PALM2AKAP2: variants seen among roughly 807,000 people sequenced by gnomAD.
The protein encoded by PALM2AKAP2 is PALM2 and AKAP2 fusion.
PALM2AKAP2 carries 37 observed loss-of-function variants against 71.5 expected under a neutral mutation model. The observed-to-expected ratio is 0.52, with a 90% CI of 0.40 to 0.68. PALM2AKAP2 has a LOEUF of 0.68. Ranked by LOEUF, PALM2AKAP2 falls within the 30% of genes least tolerant of loss-of-function variation. The probability of loss-of-function intolerance (pLI) is 0.00; values close to 1 mark genes in which losing one functional copy is unlikely to be tolerated. For synonymous variants in PALM2AKAP2, 468 were observed against 478.8 expected, an observed-to-expected ratio of 0.98 and a Z score of 0.29; for missense variants, 1,224 against 1,191.8, an observed-to-expected ratio of 1.03 and a Z score of -0.40.
chr9:109,909,063 C>T (rs962565770), intron 3 of PALM2AKAP2, among the ~76,000 whole-genome samples: 1 of 152,004 alleles, frequency 6.6e-6, no homozygotes, highest in Non-Finnish European at 1.5e-5. Flanking sequence ...GGCCCAATTC[C>T]TACATATCTG....
intron 1 of PALM2AKAP2, among the ~76,000 whole-genome samples, chr9:109,830,684 TG>T (rs1250569863): frequency 6.6e-6 from 1 of 152,180 alleles, no homozygotes; most frequent in Non-Finnish European, 1.5e-5. Flanking sequence ...TGAATGGCCT[TG>T]GGGGAGAGGG....
At chr9:110,032,498 C>T (rs533069323) in intron 7 of PALM2AKAP2, among the ~76,000 whole-genome samples, 2 of 152,028 alleles carry the variant, frequency 1.3e-5, no homozygotes, top group African/African-American at 4.8e-5. Context: ...TGAGACTATC[C>T]TGGCCAATAT....
At chr9:109,904,189 T>C (rs1337781578) in intron 3 of PALM2AKAP2, among the ~76,000 whole-genome samples, 1 of 152,246 alleles carries the variant, frequency 6.6e-6, no homozygotes, top group African/African-American at 2.4e-5. Context: ...TTAAGCTTCA[T>C]AACTTTGATG....
chr9:109,899,555 C>T (rs1392114898), intron 3 of PALM2AKAP2, among the ~76,000 whole-genome samples: 1 of 147,386 alleles, frequency 6.8e-6, no homozygotes, highest in Non-Finnish European at 1.5e-5. Context: ...AGCTTCAAAC[C>T]CTTTACCTGT....
At chr9:110,001,494 C>A (rs956297774) in intron 6 of PALM2AKAP2, among the ~76,000 whole-genome samples, 3 of 152,200 alleles carry the variant, frequency 2.0e-5, no homozygotes, top group Non-Finnish European at 4.4e-5. Flanking sequence ...CTTGGCAATG[C>A]AGGCTCTTTT....
upstream of PALM2AKAP2, among the ~76,000 whole-genome samples, chr9:109,779,595 T>C (rs1420119773): frequency 6.6e-6 from 1 of 152,174 alleles, no homozygotes; most frequent in Non-Finnish European, 1.5e-5. Flanking sequence ...AGCTAACACA[T>C]TGTGAAATCT....
chr9:109,944,978 T>G (rs1289302479), intron 6 of PALM2AKAP2: 4 of 152,200 alleles, frequency 2.6e-5, no homozygotes, highest in Non-Finnish European at 5.9e-5. Context: ...TGAAAAAACA[T>G]ATGATATACT....
chr9:110,024,561 A>T (rs1345628084), intron 7 of PALM2AKAP2, among the ~76,000 whole-genome samples: 1 of 152,162 alleles, frequency 6.6e-6, no homozygotes, highest in Non-Finnish European at 1.5e-5. Context: ...AAGTGGGTAG[A>T]TCACTAGAGC....
chr9:110,063,291 A>G (rs1450310145), intron 1 of PALM2AKAP2, among the ~76,000 whole-genome samples: 1 of 152,178 alleles, frequency 6.6e-6, no homozygotes, highest in African/African-American at 2.4e-5. Flanking sequence ...AGAGGCTAGA[A>G]GACCAAGATC....
chr9:109,981,598 A>G (rs1246292126), intron 6 of PALM2AKAP2, among the ~76,000 whole-genome samples: 2 of 152,234 alleles, frequency 1.3e-5, no homozygotes, highest in African/African-American at 4.8e-5. Context: ...TCTCCCTAGC[A>G]TGGAACTGAA....
intron 1 of PALM2AKAP2, among the ~76,000 whole-genome samples, chr9:109,699,867 C>T (rs1430499970): frequency 6.6e-6 from 1 of 152,026 alleles, no homozygotes; most frequent in Non-Finnish European, 1.5e-5. Flanking sequence ...CCTCCGCCTC[C>T]CGGGTTCAAG....
At chr9:110,135,172 A>ATATATATATATATATATATATAT (rs58573716) in intron 1 of PALM2AKAP2, among the ~76,000 whole-genome samples, 2 of 61,096 alleles carry the variant, frequency 3.3e-5, no homozygotes, top group African/African-American at 6.1e-5. Flanking sequence ...AAAATATATA[A>ATATATATATATATATATATATAT]ATATATATAT....
intron 1 of PALM2AKAP2, among the ~76,000 whole-genome samples, chr9:110,115,182 C>T (rs1835337066): frequency 6.6e-6 from 1 of 152,160 alleles, no homozygotes; most frequent in Non-Finnish European, 1.5e-5. Context: ...AGAGGATGGT[C>T]CAGCAGTGCT....
chr9:109,905,255 A>T (rs1243483738), intron 3 of PALM2AKAP2, among the ~76,000 whole-genome samples: 1 of 152,142 alleles, frequency 6.6e-6, no homozygotes, highest in East Asian at 1.9e-4. Flanking sequence ...TACCCACTCA[A>T]CACCTGAAGC....
intron 1 of PALM2AKAP2, among the ~76,000 whole-genome samples, chr9:110,103,170 G>A (rs1264024445): frequency 2.0e-5 from 3 of 152,150 alleles, no homozygotes; most frequent in African/African-American, 7.2e-5. Flanking sequence ...GCTTCTCATA[G>A]ATGCAATTTT....
chr9:109,929,430 A>G (rs909313635), intron 5 of PALM2AKAP2, among the ~76,000 whole-genome samples: 3 of 152,006 alleles, frequency 2.0e-5, no homozygotes, highest in African/African-American at 4.8e-5. Context: ...CCCACGGACA[A>G]TTGTCACCCA....
intron 2 of PALM2AKAP2, among the ~76,000 whole-genome samples, chr9:110,146,059 C>T (rs1227990901): frequency 1.3e-5 from 2 of 151,828 alleles, no homozygotes; most frequent in Non-Finnish European, 2.9e-5. Flanking sequence ...CCACCGCGTC[C>T]AGCTAATTTT....
intron 1 of PALM2AKAP2, among the ~76,000 whole-genome samples, chr9:109,853,029 T>C (rs1220909888): frequency 6.6e-6 from 1 of 152,160 alleles, no homozygotes; most frequent in Non-Finnish European, 1.5e-5. Flanking sequence ...CCCTTTGGTT[T>C]AATTAGGTCC....
chr9:109,797,731 A>G (rs567977984), intron 1 of PALM2AKAP2, among the ~76,000 whole-genome samples: 51 of 152,354 alleles, frequency 3.3e-4, no homozygotes, highest in African/African-American at 1.1e-3. Flanking sequence ...AGTGAATTTC[A>G]TAATAAACAA....
Sources: allele counts gnomAD v4.1 joint callset (sites outside exome capture counted in the v4.1 genomes callset), GRCh38; gene constraint gnomAD v4.1.1; transcripts MANE v1.5; gene names NCBI Gene and HGNC (gene_info 2026-07-23, HGNC 2026-07-21).